Variants in DAPK1 observed in about 807,000 individuals in gnomAD.
DAPK1 encodes the protein death-associated protein kinase 1.
Under a neutral mutation model 144.9 loss-of-function variants are expected in DAPK1, and 56 were observed. That is an observed-to-expected ratio of 0.39 (90% CI 0.31 to 0.48). The LOEUF (loss-of-function observed/expected upper bound fraction) is 0.48. DAPK1 is among the 20% of genes least tolerant of loss of function. The pLI is 0.95. For synonymous variants in DAPK1, 690 were observed against 749.0 expected, an observed-to-expected ratio of 0.92 and a Z score of 1.29; for missense variants, 1,454 against 1,875.4, an observed-to-expected ratio of 0.78 and a Z score of 4.15.
intron 2 of DAPK1, among the ~76,000 whole-genome samples, chr9:87,571,480 CACACACACACACACCCCA>C (rs1332649786): frequency 0.031 from 1,867 of 60,826 alleles, 161 homozygotes; most frequent in African/African-American, 0.12. Flanking sequence ...CACACCAACA[CACACACACACACACCCCA>C]ACACACACAC....
At chr9:87,681,827 G>C (rs2119337150) in intron 20 of DAPK1, 1 of 597,684 alleles carries the variant, frequency 1.7e-6, no homozygotes, top group Non-Finnish European at 3.0e-6. Context: ...GACTGACTTG[G>C]CAGTAGCAAA....
chr9:87,507,684 G>A (rs905381509), intron 2 of DAPK1, among the ~76,000 whole-genome samples: 1 of 151,996 alleles, frequency 6.6e-6, no homozygotes, highest in African/African-American at 2.4e-5. Context: ...AACTTTGGAC[G>A]AAGAACATAA....
At chr9:87,677,908 G>A (rs1468484066) in intron 19 of DAPK1, among the ~76,000 whole-genome samples, 3 of 152,148 alleles carry the variant, frequency 2.0e-5, no homozygotes, top group African/African-American at 4.8e-5. Context: ...CCTGGTGCAC[G>A]TGGCGCTGGG....
chr9:87,668,861 C>T (rs1037351686), intron 19 of DAPK1, 187 bp downstream of exon 19: 2 of 578,688 alleles, frequency 3.5e-6, no homozygotes, highest in African/African-American at 3.7e-5. Context: ...CTGTTTTCTT[C>T]TCTATTTGGA....
At chr9:87,639,944 C>T (rs1046315799) in intron 7 of DAPK1, 129 bp downstream of exon 7, 3 of 979,856 alleles carry the variant, frequency 3.1e-6, no homozygotes, top group African/African-American at 1.6e-5. Flanking sequence ...ATTCATTTTA[C>T]ACCCCCAAAA....
At chr9:87,624,925 G>C (rs36209410) in intron 3 of DAPK1, among the ~76,000 whole-genome samples, 1 of 152,248 alleles carries the variant, frequency 6.6e-6, no homozygotes, top group Non-Finnish European at 1.5e-5. Flanking sequence ...GAGGGTGACT[G>C]TGCAGGCCAC....
At chr9:87,528,980 A>G (rs1208105092) in intron 2 of DAPK1, among the ~76,000 whole-genome samples, 3 of 152,126 alleles carry the variant, frequency 2.0e-5, no homozygotes, top group Non-Finnish European at 4.4e-5. Flanking sequence ...TGGTAAGGGA[A>G]GAATGCTTCA....
chr9:87,600,605 A>C (rs990434076), intron 2 of DAPK1, among the ~76,000 whole-genome samples: 2 of 152,184 alleles, frequency 1.3e-5, no homozygotes, highest in African/African-American at 4.8e-5. Flanking sequence ...GAAAAGAAAA[A>C]AAAAATTACT....
At chr9:87,498,412 C>T in intron 1 of DAPK1, 1 of 324,850 alleles carries the variant, frequency 3.1e-6, no homozygotes, top group Non-Finnish European at 5.5e-6. Context: ...CCCGGGCGGC[C>T]GCACGCCGGG....
chr9:87,521,742 C>A (rs1024557471), intron 2 of DAPK1, among the ~76,000 whole-genome samples: 4 of 152,176 alleles, frequency 2.6e-5, no homozygotes, highest in African/African-American at 9.7e-5. Flanking sequence ...AGTTTGATGA[C>A]TTATGGTAGT....
At chr9:87,674,633 T>G (rs1824297712) in intron 19 of DAPK1, among the ~76,000 whole-genome samples, 1 of 151,940 alleles carries the variant, frequency 6.6e-6, no homozygotes, top group African/African-American at 2.4e-5. Flanking sequence ...TTGCCCAGAT[T>G]GAAAAATTCA....
intron 2 of DAPK1, among the ~76,000 whole-genome samples, chr9:87,557,082 C>T (rs1826745769): frequency 6.6e-6 from 1 of 152,198 alleles, no homozygotes; most frequent in Admixed American, 6.5e-5. Flanking sequence ...TCACCCTTCC[C>T]TCTTGGCGGT....
At chr9:87,636,675 A>G (rs546635543) in intron 3 of DAPK1, among the ~76,000 whole-genome samples, 4 of 152,196 alleles carry the variant, frequency 2.6e-5, no homozygotes, top group South Asian at 2.1e-4. Context: ...ATGAGCACCA[A>G]TTTTCTTACT....
intron 17 of DAPK1, 22 bp downstream of exon 17, chr9:87,651,746 C>T: frequency 6.2e-7 from 1 of 1,606,548 alleles, no homozygotes; most frequent in Non-Finnish European, 8.5e-7. Context: ...GAACAGGATC[C>T]CTACAGCTTC....
At chr9:87,668,231 C>T (rs1489833701) in intron 18 of DAPK1, among the ~76,000 whole-genome samples, 3 of 152,136 alleles carry the variant, frequency 2.0e-5, no homozygotes, top group Non-Finnish European at 2.9e-5. Context: ...GAATTTGGCA[C>T]CTGATGAGAA....
rs778678833 is a variant in DAPK1 at position 87,646,050 on chromosome 9, G to A, written c.1131+36G>A. On this transcript the variant is annotated intron_variant, in intron 12 of 25. Coordinates refer to ENST00000408954, the MANE Select transcript of DAPK1 (RefSeq NM_004938.4). Reference sequence around the variant, plus strand: ...GTTCTGCCGCATACTGGAGGGGTGGGTCACAGCGACCTTGCCCTTCCATAT... The same window carrying A: ...GTTCTGCCGCATACTGGAGGGGTGGATCACAGCGACCTTGCCCTTCCATAT... The A allele has an allele frequency of 9.4e-6, 15 of 1,600,752 alleles. No individual in the cohort carries two copies. The South Asian group carries it at 1.6e-4, about 17-fold the overall frequency.
At chr9:87,547,873 C>T (rs1563986473) in intron 2 of DAPK1, among the ~76,000 whole-genome samples, 2 of 152,142 alleles carry the variant, frequency 1.3e-5, no homozygotes, top group African/African-American at 2.4e-5. Flanking sequence ...ATGTTAATCT[C>T]CTGGTAAATG....
chr9:87,511,219 G>T (rs77215702), intron 2 of DAPK1, among the ~76,000 whole-genome samples: 2,587 of 152,164 alleles, frequency 0.017, 44 homozygotes, highest in African/African-American at 0.038. Context: ...ATTTTTCTAG[G>T]TATCCTTGCC....
chr9:87,539,479 G>C (rs1587700101), intron 2 of DAPK1, among the ~76,000 whole-genome samples: 1 of 144,848 alleles, frequency 6.9e-6, no homozygotes, highest in South Asian at 2.2e-4. Context: ...ACCCAGGCTG[G>C]AGTACAGTGG....
Sources: gnomAD v4.1 joint callset for allele counts (sites outside exome capture counted in the v4.1 genomes callset) on GRCh38, gnomAD v4.1.1 for gene constraint, MANE v1.5 for transcripts, NCBI Gene and HGNC (gene_info 2026-07-23, HGNC 2026-07-21) for gene names.